CAPS2: variants seen among roughly 807,000 people sequenced by gnomAD.
CAPS2 encodes calcyphosine 2.
Under a neutral mutation model 86.5 loss-of-function variants are expected in CAPS2, and 98 were observed. The ratio of observed to expected loss-of-function variants is 1.13; its 90% CI spans 0.96 to 1.34. The LOEUF is 1.34. CAPS2 is among the 40% of genes most tolerant of loss of function. CAPS2 has a pLI of 0.00. For missense variants in CAPS2, 729 were observed against 686.8 expected (o/e 1.06, Z -0.69); for synonymous variants, 210 against 225.1 (o/e 0.93, Z 0.60).
intron 7 of CAPS2, among the ~76,000 whole-genome samples, chr12:75,312,508 A>G (rs1282267565): frequency 3.3e-5 from 5 of 152,240 alleles, no homozygotes; most frequent in Admixed American, 2.6e-4. Context: ...TGCAGTGCCC[A>G]TAAGATGCAT....
exon 12 of CAPS2, chr12:75,293,300 A>G: frequency 6.2e-7 from 1 of 1,612,622 alleles, no homozygotes; most frequent in South Asian, 1.1e-5. Flanking sequence ...GAGTTTAAGT[A>G]ATGTGTTTTC....
At chr12:75,384,383 AC>A in intron 1 of CAPS2, among the ~76,000 whole-genome samples, 1 of 152,264 alleles carries the variant, frequency 6.6e-6, no homozygotes, top group African/African-American at 2.4e-5. Context: ...ACAACTCCAC[AC>A]CCACAAACTT....
At chr12:75,305,627 C>A in intron 7 of CAPS2, 1 of 620,832 alleles carries the variant, frequency 1.6e-6, no homozygotes, top group Admixed American at 1.9e-5. Flanking sequence ...GAAGGCTCAG[C>A]AGCAGGCCGC....
At chr12:75,298,652 G>T in intron 11 of CAPS2, 35 bp downstream of exon 11, 1 of 1,517,630 alleles carries the variant, frequency 6.6e-7, no homozygotes, top group Non-Finnish European at 9.1e-7. Context: ...TCCACCATCT[G>T]GTATTAAATG....
intron 4 of CAPS2, among the ~76,000 whole-genome samples, chr12:75,322,129 T>C (rs1262231840): frequency 2.0e-5 from 3 of 152,138 alleles, no homozygotes; most frequent in Non-Finnish European, 2.9e-5. Flanking sequence ...ACTTAAAAAA[T>C]ATTTTGAACC....
chr12:75,330,061 G>A (rs1214899717), upstream of CAPS2: 2 of 404,764 alleles, frequency 4.9e-6, no homozygotes, highest in Non-Finnish European at 8.7e-6. Context: ...GCGTCTGCAG[G>A]TTGCCCGGCA....
At chr12:75,375,494 T>C (rs914401239) in intron 1 of CAPS2, among the ~76,000 whole-genome samples, 7 of 152,164 alleles carry the variant, frequency 4.6e-5, no homozygotes, top group Non-Finnish European at 8.8e-5. Flanking sequence ...GTACAAATTT[T>C]TGGTAGTATA....
At chr12:75,326,447 G>A (rs928168781) in exon 1 of CAPS2, 4 of 1,528,294 alleles carry the variant, frequency 2.6e-6, no homozygotes, top group Non-Finnish European at 2.7e-6. Flanking sequence ...CCAAAGAATG[G>A]CTGAATTTGG....
chr12:75,369,503 C>T, intron 1 of CAPS2: 1 of 975,584 alleles, frequency 1.0e-6, no homozygotes. Context: ...GTGCTGGATG[C>T]TATTAGAATG....
At chr12:75,356,875 A>G (rs1287442044) in intron 1 of CAPS2, among the ~76,000 whole-genome samples, 2 of 152,188 alleles carry the variant, frequency 1.3e-5, no homozygotes, top group African/African-American at 2.4e-5. Flanking sequence ...AAAAAAGTTT[A>G]CCATGCTAAC....
At chr12:75,308,908 A>AT (rs1236477408) in intron 7 of CAPS2, among the ~76,000 whole-genome samples, 1 of 150,760 alleles carries the variant, frequency 6.6e-6, no homozygotes, top group African/African-American at 2.4e-5. Flanking sequence ...GTCTCAAAAA[A>AT]AAAAAAAAAA....
chr12:75,280,154 C>T (rs2033664071), intron 16 of CAPS2, among the ~76,000 whole-genome samples: 1 of 151,652 alleles, frequency 6.6e-6, no homozygotes, highest in Non-Finnish European at 1.5e-5. Flanking sequence ...CCTTAAAATA[C>T]TTTTATCTAA....
At chr12:75,348,023 A>T (rs1457056146) in intron 1 of CAPS2, among the ~76,000 whole-genome samples, 1 of 152,196 alleles carries the variant, frequency 6.6e-6, no homozygotes, top group Non-Finnish European at 1.5e-5. Context: ...ACTGAAACAC[A>T]AAAAGGCTGG....
downstream of CAPS2, chr12:75,276,083 AGCCTCTTC>A: frequency 1.1e-6 from 1 of 928,330 alleles, no homozygotes; most frequent in Non-Finnish European, 1.5e-6. Flanking sequence ...GTATGACAAG[AGCCTCTTC>A]TCATGATCAG....
At chr12:75,303,514 C>T (rs960072367) in intron 8 of CAPS2, among the ~76,000 whole-genome samples, 2 of 152,172 alleles carry the variant, frequency 1.3e-5, no homozygotes, top group Non-Finnish European at 2.9e-5. Flanking sequence ...GTTTCTTGAT[C>T]TGAGCATTTG....
At chr12:75,325,350 A>T (rs1410469066) in intron 1 of CAPS2, 62 bp from the exon 3 acceptor site, 4 of 1,177,584 alleles carry the variant, frequency 3.4e-6, no homozygotes, top group Non-Finnish European at 4.8e-6. Context: ...TTATACTTTA[A>T]GAGATACACA....
chr12:75,300,600 A>G (rs1286473072), intron 8 of CAPS2, among the ~76,000 whole-genome samples: 2 of 148,550 alleles, frequency 1.3e-5, no homozygotes, highest in South Asian at 4.2e-4. Flanking sequence ...TGCTCTTAGC[A>G]TCTTGCAATT....
intron 6 of CAPS2, among the ~76,000 whole-genome samples, chr12:75,313,957 T>A (rs2039489254): frequency 2.6e-5 from 4 of 152,214 alleles, no homozygotes; most frequent in Admixed American, 2.6e-4. Flanking sequence ...TCTTGCTATG[T>A]TGCCCAGGCT....
intron 1 of CAPS2, among the ~76,000 whole-genome samples, chr12:75,344,859 A>G (rs747751211): frequency 1.1e-4 from 16 of 152,224 alleles, no homozygotes; most frequent in South Asian, 6.2e-4. Flanking sequence ...GCTGATAATG[A>G]TCTCTCACTA....
Sources: allele counts gnomAD v4.1 joint callset (sites outside exome capture counted in the v4.1 genomes callset), GRCh38; gene constraint gnomAD v4.1.1; transcripts MANE v1.5; gene names NCBI Gene and HGNC (gene_info 2026-07-23, HGNC 2026-07-21).